The following SPOCK1 variants were observed in gnomAD, a reference collection of about 807,000 sequenced individuals.
SPOCK1 encodes testican-1.
In SPOCK1, 23 loss-of-function variants were observed where a neutral mutation model predicts 55.3. The observed-to-expected ratio is 0.42, with a 90% confidence interval of 0.30 to 0.59. The LOEUF is 0.59. Among genes scored for constraint, SPOCK1 ranks in the 20% least tolerant of loss-of-function variants. SPOCK1 has a pLI of 0.22. For missense variants in SPOCK1, 499 were observed against 552.5 expected, an observed-to-expected ratio of 0.90 and a Z score of 0.97; for synonymous variants, 226 against 221.0, an observed-to-expected ratio of 1.02 and a Z score of -0.20.
chr5:137,311,486 G>T (rs995403054), intron 2 of SPOCK1, among the ~76,000 whole-genome samples: 1 of 152,160 alleles, frequency 6.6e-6, no homozygotes, highest in African/African-American at 2.4e-5. Flanking sequence ...ATATATAACA[G>T]ATAAGGATAT....
At chr5:137,489,322 AG>A (rs1260715902) in intron 2 of SPOCK1, among the ~76,000 whole-genome samples, 1 of 152,218 alleles carries the variant, frequency 6.6e-6, no homozygotes, top group Non-Finnish European at 1.5e-5. Flanking sequence ...GAGGAGCTGA[AG>A]GAGCAACCCC....
At chr5:137,468,835 T>C (rs1297109002) in intron 2 of SPOCK1, among the ~76,000 whole-genome samples, 1 of 152,024 alleles carries the variant, frequency 6.6e-6, no homozygotes, top group Non-Finnish European at 1.5e-5. Context: ...GTCAAGAAGC[T>C]GTAGTGAGAT....
Position 137,158,065 on chromosome 5 carries a change from C to CA in SPOCK1, c.233-17372dup, listed in dbSNP as rs1165907385. Among the ~76,000 whole-genome samples, 544 of 151,874 alleles carry CA rather than the reference C, an allele frequency of 3.6e-3. 2 individuals are homozygous for CA. Among genetic ancestry groups the CA allele is most frequent in the African/African-American group, 8.1e-3 (334 of 41,388 alleles). On this transcript the variant is annotated intron_variant, in intron 3 of 10. Coordinates refer to ENST00000394945, the MANE Select transcript of SPOCK1 (RefSeq NM_004598.4). ...CAGCAAGAGGGAGACTCCATCCCCCCAAAAAAAAGAAAACTTGCCACAAAA... is the reference window on the plus strand; with the variant it reads ...CAGCAAGAGGGAGACTCCATCCCCCCAAAAAAAAAGAAAACTTGCCACAAAA...
chr5:137,217,371 T>A (rs767413816), intron 3 of SPOCK1, among the ~76,000 whole-genome samples: 1 of 152,170 alleles, frequency 6.6e-6, no homozygotes, highest in Non-Finnish European at 1.5e-5. Context: ...AGTTCAAGAA[T>A]GTGCTGGAGT....
At chr5:137,183,450 A>G (rs541995428) in intron 3 of SPOCK1, among the ~76,000 whole-genome samples, 2 of 152,356 alleles carry the variant, frequency 1.3e-5, no homozygotes, top group East Asian at 3.9e-4. Flanking sequence ...AGTTTATTCA[A>G]GGAAATAACA....
intron 6 of SPOCK1, among the ~76,000 whole-genome samples, chr5:137,038,084 G>T (rs527607859): frequency 7.9e-5 from 12 of 152,256 alleles, no homozygotes; most frequent in African/African-American, 2.9e-4. Context: ...TGTTGTGGGG[G>T]AACATGAAGC....
intron 2 of SPOCK1, among the ~76,000 whole-genome samples, chr5:137,305,205 C>G (rs1757681530): frequency 6.6e-6 from 1 of 152,186 alleles, no homozygotes; most frequent in Non-Finnish European, 1.5e-5. Context: ...AATGACCCAC[C>G]AAACTCATGC....
At chr5:137,301,408 A>C (rs1757586789) in intron 2 of SPOCK1, among the ~76,000 whole-genome samples, 1 of 152,192 alleles carries the variant, frequency 6.6e-6, no homozygotes, top group Non-Finnish European at 1.5e-5. Flanking sequence ...TTTGGGCAGG[A>C]TGCAGGTAGT....
rs557589461 is a variant in SPOCK1, at chr5:137,241,119, C to A, written c.232+25891G>T. On this transcript the variant is annotated intron_variant, in intron 3 of 10. Coordinates refer to ENST00000394945, the MANE Select transcript of SPOCK1 (RefSeq NM_004598.4). ...CTATTAAATTGAGGGGTGGTGGGAG[C>A]AAAGTTAAATTTAAAAAATAATGGG... Among the ~76,000 whole-genome samples, 6 of 151,966 alleles carry A rather than the reference C, an allele frequency of 3.9e-5. No homozygotes were observed. In the South Asian group the frequency reaches 1.0e-3, roughly 26 times the overall value.
At chr5:137,489,652 G>A (rs1368293699) in intron 2 of SPOCK1, among the ~76,000 whole-genome samples, 2 of 152,192 alleles carry the variant, frequency 1.3e-5, no homozygotes, top group African/African-American at 2.4e-5. Context: ...CTCACTTTTT[G>A]CAGTTGACTC....
intron 2 of SPOCK1, among the ~76,000 whole-genome samples, chr5:137,364,142 A>G (rs55732552): frequency 0.13 from 19,452 of 152,202 alleles, 1,566 homozygotes; most frequent in East Asian, 0.27. Context: ...GGGAGTGAAT[A>G]CCCAGCCTGC....
At chr5:137,473,661 T>C (rs1197963356) in intron 2 of SPOCK1, among the ~76,000 whole-genome samples, 2 of 152,216 alleles carry the variant, frequency 1.3e-5, no homozygotes, top group African/African-American at 2.4e-5. Context: ...AATCGTATAT[T>C]AACATGGAAA....
intron 9 of SPOCK1, among the ~76,000 whole-genome samples, chr5:136,983,414 T>C (rs1471646878): frequency 6.6e-6 from 1 of 152,238 alleles, no homozygotes; most frequent in Non-Finnish European, 1.5e-5. Context: ...GAAAGGCTGC[T>C]GATGCCACAG....
chr5:137,452,895 G>A (rs150227566), intron 2 of SPOCK1, among the ~76,000 whole-genome samples: 91 of 152,222 alleles, frequency 6.0e-4, no homozygotes, highest in African/African-American at 2.0e-3. Flanking sequence ...GTATCAAAGC[G>A]GCAGAGCTAC....
chr5:137,388,411 G>A (rs145642705), intron 2 of SPOCK1, among the ~76,000 whole-genome samples: 82 of 152,192 alleles, frequency 5.4e-4, no homozygotes, highest in East Asian at 2.1e-3. Context: ...GGGAGGGAGG[G>A]GGGGAAATGA....
chr5:136,981,262 C>A (rs1454282451), intron 9 of SPOCK1, among the ~76,000 whole-genome samples: 1 of 152,198 alleles, frequency 6.6e-6, no homozygotes. Flanking sequence ...CTTTTAAATT[C>A]ATGACACTAT....
intron 2 of SPOCK1, among the ~76,000 whole-genome samples, chr5:137,431,884 T>C (rs1580923653): frequency 6.6e-6 from 1 of 152,212 alleles, no homozygotes; most frequent in East Asian, 1.9e-4. Flanking sequence ...GCCCCGTCTT[T>C]GGTATTCTAT....
intron 2 of SPOCK1, among the ~76,000 whole-genome samples, chr5:137,409,760 T>C (rs999097451): frequency 3.3e-5 from 5 of 152,236 alleles, no homozygotes; most frequent in Admixed American, 1.3e-4. Context: ...CCTATGTTTC[T>C]GTTAGGTTAG....
At position 137,137,415 on chromosome 5, in the gene SPOCK1, A is replaced by G. The variant is rs1321245799; in HGVS notation, c.347+3165T>C. ...GATGTTTCTTCTGGGAAGGTGTCCA[A>G]GACCCTTCAAAGAGGTATGCACTCA... On this transcript the variant is annotated intron_variant, in intron 4 of 10. Transcript: ENST00000394945. Among the ~76,000 whole-genome samples the G allele has an allele frequency of 2.0e-5, 3 of 152,318 alleles. No homozygotes were observed. The East Asian group carries it at 5.8e-4, about 29-fold the overall frequency.
Sources: allele counts gnomAD v4.1 joint callset (sites outside exome capture counted in the v4.1 genomes callset), GRCh38; gene constraint gnomAD v4.1.1; transcripts MANE v1.5; gene names NCBI Gene and HGNC (gene_info 2026-07-23, HGNC 2026-07-21).